The following ZBTB20 variants were observed in gnomAD, a reference collection of about 807,000 sequenced individuals.
ZBTB20 encodes the protein zinc finger and BTB domain containing 20, also known as zinc finger and BTB domain-containing protein 20.
A neutral mutation model predicts 56.9 loss-of-function variants in ZBTB20; 9 were observed. That is an observed-to-expected ratio of 0.16 (90% CI 0.10 to 0.28). The LOEUF is 0.28. ZBTB20 is among the 10% of genes least tolerant of loss of function. ZBTB20 has a pLI of 1.00. For missense variants in ZBTB20, 655 were observed against 1,003.0 expected, an observed-to-expected ratio of 0.65 and a Z score of 4.69; for synonymous variants, 417 against 420.7, an observed-to-expected ratio of 0.99 and a Z score of 0.11.
rs71146341 is a variant in ZBTB20, at chr3:114,844,330, A to AATATATATATATATATAT, written c.-416-43174_-416-43157dup. On this transcript the variant is annotated intron_variant, in intron 4 of 11. Transcript: ENST00000675478. ...GTTGCATAAGAAAATTACTGGAGTA[A>AATATATATATATATATAT]ATATATATATATATATATATATATA... Among the ~76,000 whole-genome samples the AATATATATATATATATAT allele has an allele frequency of 4.8e-4, 48 of 99,258 alleles. 1 individual carries two copies. The highest frequency in any genetic ancestry group is 0.011 in the Middle Eastern group (2 of 182). 65.1% of individuals were successfully genotyped at this position (99,258 alleles called of 152,430 possible). A position where few individuals can be genotyped will look rare whatever the true frequency, so the allele number is the denominator to read the frequency against.
At chr3:114,661,675 T>A (rs2060730766) in intron 6 of ZBTB20, among the ~76,000 whole-genome samples, 1 of 152,118 alleles carries the variant, frequency 6.6e-6, no homozygotes, top group South Asian at 2.1e-4. Context: ...AAAATTAGTT[T>A]ACTCTGCCTG....
chr3:114,676,633 G>T (rs371595583), intron 6 of ZBTB20, among the ~76,000 whole-genome samples: 1 of 151,936 alleles, frequency 6.6e-6, no homozygotes, highest in African/African-American at 2.4e-5. Context: ...TAACAACTCT[G>T]TCAGGTAATA....
chr3:114,887,016 A>AC (rs2076626774), intron 4 of ZBTB20, among the ~76,000 whole-genome samples: 1 of 152,210 alleles, frequency 6.6e-6, no homozygotes, highest in Non-Finnish European at 1.5e-5. Context: ...TCTTGCCGTG[A>AC]CAACACTCTA....
At chr3:114,763,866 C>G (rs72954597) in intron 5 of ZBTB20, among the ~76,000 whole-genome samples, 12,535 of 152,022 alleles carry the variant, frequency 0.082, 588 homozygotes, top group African/African-American at 0.12. Context: ...AAAATGTAAT[C>G]AAACCTCTGA....
At chr3:115,015,269 T>C (rs1469795757) in intron 2 of ZBTB20, among the ~76,000 whole-genome samples, 3 of 151,868 alleles carry the variant, frequency 2.0e-5, no homozygotes, top group Non-Finnish European at 4.4e-5. Flanking sequence ...TTCATTCCTA[T>C]AAGATACATA....
intron 8 of ZBTB20, 144 bp downstream of exon 8, chr3:114,388,861 C>G (rs1044602575): frequency 1.3e-5 from 2 of 152,272 alleles, no homozygotes; most frequent in Non-Finnish European, 2.9e-5. Context: ...CTGTGGGCAC[C>G]TCAGGACTGA....
At chr3:115,138,938 T>C (rs1242179565) in intron 1 of ZBTB20, among the ~76,000 whole-genome samples, 1 of 151,598 alleles carries the variant, frequency 6.6e-6, no homozygotes, top group Non-Finnish European at 1.5e-5. Flanking sequence ...GTATACTGGG[T>C]TTCAGTTAAC....
chr3:114,644,247 T>C (rs1477479950), intron 6 of ZBTB20, among the ~76,000 whole-genome samples: 1 of 152,084 alleles, frequency 6.6e-6, no homozygotes, highest in Non-Finnish European at 1.5e-5. Flanking sequence ...GAAGCTAATA[T>C]ATTATTGTAA....
Position 114,502,682 on chromosome 3 carries a change from C to T in ZBTB20, c.-294-2291G>A, listed in dbSNP as rs2044142178. ...TTAAAGCTCTAAGTTTTGCTATATT[C>T]TAGTCTTCTCTGCAAGCCAGGATAT... On this transcript the variant is annotated intron_variant, in intron 6 of 11. Coordinates refer to ENST00000675478, the MANE Select transcript of ZBTB20 (RefSeq NM_001348800.3). 4 of 152,140 alleles carry T rather than the reference C, an allele frequency of 2.6e-5. No homozygotes were observed. In the South Asian group the frequency reaches 6.2e-4, roughly 24 times the overall value. 9.4% of individuals were successfully genotyped at this position (152,140 alleles called of 1,614,324 possible). A position where few individuals can be genotyped will look rare whatever the true frequency, so the allele number is the denominator to read the frequency against.
chr3:114,777,787 C>T (rs546036492), intron 5 of ZBTB20, among the ~76,000 whole-genome samples: 19 of 152,120 alleles, frequency 1.2e-4, no homozygotes, highest in African/African-American at 4.6e-4. Context: ...TATAAAGACA[C>T]ATGCACATGT....
At chr3:115,092,355 T>C (rs1429582234) in intron 1 of ZBTB20, among the ~76,000 whole-genome samples, 1 of 152,094 alleles carries the variant, frequency 6.6e-6, no homozygotes, top group Non-Finnish European at 1.5e-5. Flanking sequence ...TCAGGGTCCT[T>C]TCTAAATGGA....
At position 114,415,987 on chromosome 3, in the gene ZBTB20, A is replaced by G. The variant is rs548222046; in HGVS notation, c.-254-26882T>C. Among the ~76,000 whole-genome samples the G allele has an allele frequency of 3.9e-5, 6 of 152,200 alleles. No individual in the cohort carries two copies. In the South Asian group the frequency reaches 1.2e-3, roughly 32 times the overall value. ...CCCTACAACATTCAGTTGGGATATGAAAATTACAGATATTTTTTTCCTCTT... is the reference window on the plus strand; with the variant it reads ...CCCTACAACATTCAGTTGGGATATGGAAATTACAGATATTTTTTTCCTCTT... On this transcript the variant is annotated intron_variant, in intron 7 of 11. Coordinates refer to ENST00000675478, the MANE Select transcript of ZBTB20 (RefSeq NM_001348800.3).
At chr3:115,079,266 G>T (rs2082707437) in intron 1 of ZBTB20, among the ~76,000 whole-genome samples, 1 of 152,090 alleles carries the variant, frequency 6.6e-6, no homozygotes, top group African/African-American at 2.4e-5. Context: ...ACTCTCCAGG[G>T]CTAATGAGTA....
At chr3:114,739,243 T>G (rs937440467) in intron 5 of ZBTB20, among the ~76,000 whole-genome samples, 2 of 152,226 alleles carry the variant, frequency 1.3e-5, no homozygotes, top group African/African-American at 4.8e-5. Flanking sequence ...AGCCAGTTCC[T>G]GAGGTGCAAT....
At chr3:114,685,732 T>A (rs566885249) in intron 6 of ZBTB20, among the ~76,000 whole-genome samples, 2 of 152,270 alleles carry the variant, frequency 1.3e-5, no homozygotes, top group South Asian at 4.1e-4. Context: ...AAGTTCCAAG[T>A]CTTGGATTAT....
chr3:114,513,296 C>T (rs932530980), intron 6 of ZBTB20, among the ~76,000 whole-genome samples: 5 of 152,134 alleles, frequency 3.3e-5, no homozygotes, highest in South Asian at 2.1e-4. Context: ...TGAACAAATA[C>T]GTACATGACA....
intron 6 of ZBTB20, among the ~76,000 whole-genome samples, chr3:114,515,497 C>A (rs547963677): frequency 6.6e-6 from 1 of 152,312 alleles, no homozygotes; most frequent in East Asian, 1.9e-4. Flanking sequence ...AGCATAAGTT[C>A]GAATTTCAGA....
intron 4 of ZBTB20, among the ~76,000 whole-genome samples, chr3:114,838,637 G>T (rs973557279): frequency 1.3e-5 from 2 of 152,086 alleles, no homozygotes; most frequent in African/African-American, 4.8e-5. Context: ...TAGGCAGAGG[G>T]TAGTCATAGA....
intron 4 of ZBTB20, among the ~76,000 whole-genome samples, chr3:114,845,087 A>G (rs2074624480): frequency 6.6e-6 from 1 of 151,720 alleles, no homozygotes; most frequent in Non-Finnish European, 1.5e-5. Context: ...TAATTTATCA[A>G]CTTATTCTTT....
Sources: gnomAD v4.1 joint callset for allele counts (sites outside exome capture counted in the v4.1 genomes callset) on GRCh38, gnomAD v4.1.1 for gene constraint, MANE v1.5 for transcripts, NCBI Gene and HGNC (gene_info 2026-07-23, HGNC 2026-07-21) for gene names.